Variants in PCDH18 observed in about 807,000 individuals in gnomAD.
PCDH18 encodes the protein protocadherin 18, also known as protocadherin-18.
Under a neutral mutation model 71.5 loss-of-function variants are expected in PCDH18, and 38 were observed. The observed-to-expected ratio is 0.53, with a 90% CI of 0.41 to 0.70. PCDH18 has a LOEUF of 0.70. Ranked by LOEUF, PCDH18 falls within the 30% of genes least tolerant of loss-of-function variation. PCDH18 has a pLI of 0.00. For missense variants in PCDH18, 1,334 were observed against 1,384.6 expected (o/e 0.96, Z 0.58); for synonymous variants, 565 against 505.4 (o/e 1.12, Z -1.58).
At chr4:137,523,351 T>A (rs80161258) in intron 3 of PCDH18, among the ~76,000 whole-genome samples, 1 of 151,832 alleles carries the variant, frequency 6.6e-6, no homozygotes, top group Non-Finnish European at 1.5e-5. Context: ...TTTTTTTTTT[T>A]AATTTGATGT....
Position 137,530,333 on chromosome 4 carries a change from C to A in PCDH18, c.1756G>T (p.Ala586Ser), listed in dbSNP as rs750042954. The change falls in exon 1 of 4, where the codon GCA becomes TCA. Residue 586 changes from alanine (A) to serine (S), a missense_variant. By Grantham distance (99) the Ala-to-Ser change is moderately conservative. Around this residue, in one of 3 missense-constraint regions of PCDH18, gnomAD observed 1,011 missense variants for 1,048.0 expected, o/e 0.96. Coordinates refer to ENST00000344876, the MANE Select transcript of PCDH18 (RefSeq NM_019035.5). ...VIGPALRNNT[A>S]EITIPKGAES... Reference sequence around the variant, plus strand: ...GCCCCTTTGGGAATGGTGATTTCTGCCGTATTATTACGCAATGCAGGCCCT... The same window carrying A: ...GCCCCTTTGGGAATGGTGATTTCTGACGTATTATTACGCAATGCAGGCCCT... The A allele has an allele frequency of 3.1e-6, 5 of 1,613,292 alleles. No homozygotes were observed. Among genetic ancestry groups the A allele is most frequent in the Non-Finnish European group, 4.2e-6 (5 of 1,179,414 alleles).
intron 2 of PCDH18, 29 bp from the exon 3 acceptor site, chr4:137,528,670 A>G (rs754666874): frequency 1.2e-6 from 2 of 1,610,106 alleles, no homozygotes; most frequent in Non-Finnish European, 1.7e-6. Context: ...AAAAAAAATT[A>G]CAGTTTTTAC....
At position 137,531,327 on chromosome 4, in the gene PCDH18, T is replaced by A; in HGVS notation, c.762A>T (p.Gln254His). 1 of 1,613,724 alleles carries A rather than the reference T, an allele frequency of 6.2e-7. No individual in the cohort carries two copies. The highest frequency in any genetic ancestry group is 8.5e-7 in the Non-Finnish European group (1 of 1,179,958). ...TGCCAACCGGGGAGTTTTCTAAGAG[T>A]TGTATTATATAAGATTGCTGCTCAA... ...PAFEQQSYIIQLLENSPVGTL... is the reference protein window; with the variant it reads ...PAFEQQSYIIHLLENSPVGTL... The change falls in exon 1 of 4, where the codon CAA (glutamine) becomes CAT (histidine). Residue 254 changes from glutamine (Q) to histidine (H), a missense_variant. By Grantham distance (24) the Gln-to-His change is conservative. Transcript: ENST00000344876.
rs1158082853 is a variant in PCDH18 at position 137,530,124 on chromosome 4, T to C, written c.1965A>G (p.Ser655=). The C allele has an allele frequency of 1.3e-5, 21 of 1,613,102 alleles. No individual in the cohort carries two copies. The highest frequency in any genetic ancestry group is 1.7e-5 in the Non-Finnish European group (20 of 1,179,220). ...GATTGCCTTTGTCCTGAATGATAAC[T>C]GACAGCTCCCATTCTGTGTAGGGAA... ...DSVPYTEWEL[S]VIIQDKGNPQ... is the part of the protein sequence containing the mutation. Residue 655 remains serine (S), a synonymous_variant, in exon 1 of 4, where the codon TCA becomes TCG. Coordinates refer to ENST00000344876, the MANE Select transcript of PCDH18 (RefSeq NM_019035.5).
rs900860533 is a variant in PCDH18, at chr4:137,529,599, T to C, written c.2487+3A>G. ...AATGAATTGATGCGGTTTATGATCTTACCTCAACAGCAGGAGTGGCGTGGG... is the reference window on the plus strand; with the variant it reads ...AATGAATTGATGCGGTTTATGATCTCACCTCAACAGCAGGAGTGGCGTGGG... On this transcript the variant is annotated splice_donor_region_variant and intron_variant, in intron 1 of 3. Transcript: ENST00000344876. 6.3e-6 allele frequency: 10 copies of C among 1,583,702 alleles called. No homozygotes were observed. The highest frequency in any genetic ancestry group is 8.6e-6 in the Non-Finnish European group (10 of 1,160,730).
At position 137,528,822 on chromosome 4, in the gene PCDH18, T is replaced by C. The variant is rs779083401; in HGVS notation, c.2488-2A>G. The C allele has an allele frequency of 1.2e-6, 2 of 1,607,218 alleles. No individual in the cohort carries two copies. The highest frequency in any genetic ancestry group is 1.7e-6 in the Non-Finnish European group (2 of 1,174,100). On this transcript the variant is annotated splice_acceptor_variant, in intron 1 of 3. Transcript: ENST00000344876. LOFTEE classifies it high-confidence loss of function. ...CATTGAAAGAAGCTGAGAGACCTGC[T>C]GGAAACCAAATAGACAGAACTGATT...
At position 137,521,033 on chromosome 4, in the gene PCDH18, C is replaced by G; in HGVS notation, c.3404G>C (p.Ser1135Thr). 1 of 1,580,490 alleles carries G rather than the reference C, an allele frequency of 6.3e-7. No homozygotes were observed. Among genetic ancestry groups the G allele is most frequent in the Non-Finnish European group, 8.6e-7 (1 of 1,158,408 alleles). ...INKLLQDVRQ[S>T] ...AAAATGCTTCGCTAAAATCTCCTAG[C>G]TCTGGCGGACATCTTGAAGCAGTTT... The change falls in exon 4 of 4, where the codon AGC (serine) becomes ACC (threonine). Residue 1135 changes from serine to threonine, a missense_variant. Physicochemically the swap from Ser to Thr is moderately conservative, Grantham distance 58. Around this residue, in one of 3 missense-constraint regions of PCDH18, gnomAD observed 319 missense variants for 316.3 expected, o/e 1.01. Coordinates refer to ENST00000344876, the MANE Select transcript of PCDH18 (RefSeq NM_019035.5).
chr4:137,530,233 G>A lies in PCDH18; in HGVS notation c.1856C>T (p.Ala619Val). 1.2e-6 allele frequency: 2 copies of A among 1,614,044 alleles called. No homozygotes were observed. Among genetic ancestry groups the A allele is most frequent in the Admixed American group, 1.7e-5 (1 of 60,016 alleles). The change falls in exon 1 of 4, where the codon GCC becomes GTC. Residue 619 changes from alanine to valine, a missense_variant. By Grantham distance (64) the Ala-to-Val change is moderately conservative (BLOSUM62 0). This residue lies in a region of PCDH18 where 1,011 missense variants were observed against 1,048.0 expected (regional missense o/e 0.96). Coordinates refer to ENST00000344876, the MANE Select transcript of PCDH18 (RefSeq NM_019035.5). ...DSGVNAELSCAIVAGNEENIF... is the reference protein window; with the variant it reads ...DSGVNAELSCVIVAGNEENIF... ...ATTCTCCTCATTACCTGCTACTATG[G>A]CGCAGCTGAGTTCAGCATTCACACC...
Position 137,529,684 on chromosome 4 carries a change from A to G in PCDH18, c.2405T>C (p.Leu802Pro), listed in dbSNP as rs773744683. Residue 802 changes from leucine to proline, a missense_variant, in exon 1 of 4, where the codon CTC becomes CCC. Physicochemically the swap from Leu to Pro is moderately conservative, Grantham distance 98. Transcript: ENST00000344876. ...TGATGAGATTGTCACCAAACTGTTG[A>G]GTGACTGGTGACTGTTGTGACTCTG... The part of the protein sequence containing the change: ...SRQSHNSHQS[L>P]NSLVTISSNH... 6.2e-7 allele frequency: 1 copy of G among 1,613,872 alleles called. No homozygotes were observed. Among genetic ancestry groups the G allele is most frequent in the South Asian group, 1.1e-5 (1 of 91,084 alleles).
At chr4:137,526,319 A>G (rs987183498) in intron 3 of PCDH18, among the ~76,000 whole-genome samples, 2 of 152,096 alleles carry the variant, frequency 1.3e-5, no homozygotes, top group Admixed American at 1.3e-4. Context: ...ATACAAATCT[A>G]AAAATATATA....
chr4:137,523,973 T>G (rs1416589332), intron 3 of PCDH18, among the ~76,000 whole-genome samples: 1 of 152,160 alleles, frequency 6.6e-6, no homozygotes, highest in Non-Finnish European at 1.5e-5. Flanking sequence ...AGAGTAACGG[T>G]GCAGAAGAGG....
Position 137,521,479 on chromosome 4 carries a change from A to G in PCDH18, c.2958T>C (p.Phe986=), listed in dbSNP as rs1183951831. 3 of 1,614,182 alleles carry G rather than the reference A, an allele frequency of 1.9e-6. No individual in the cohort carries two copies. Among genetic ancestry groups the G allele is most frequent in the South Asian group, 1.1e-5 (1 of 91,080 alleles). ...CCTCATCGTTTGGGGAGTCCTTTCC[A>G]AAGGTGGAAAAACTCTTCTTCTTTT... The part of the protein sequence containing the change: ...SGEKKKSFST[F]GKDSPNDEDT... The change falls in exon 4 of 4, where the codon TTT becomes TTC. Residue 986 remains phenylalanine (F), a synonymous_variant. Coordinates refer to ENST00000344876, the MANE Select transcript of PCDH18 (RefSeq NM_019035.5).
rs767390571 is a variant in PCDH18, at chr4:137,521,656, G to A, written c.2781C>T (p.His927=). 6.2e-7 allele frequency: 1 copy of A among 1,611,330 alleles called. No individual in the cohort carries two copies. Among genetic ancestry groups the A allele is most frequent in the South Asian group, 1.1e-5 (1 of 91,084 alleles). The change falls in exon 4 of 4, where the codon CAC becomes CAT. Residue 927 remains histidine (H), a synonymous_variant. Transcript: ENST00000344876. ...LCTEECRVLG[H]SDQCWMPPLP... is the part of the protein sequence containing the mutation. ...GTGGTGGCATCCAGCACTGGTCAGAGTGTCCCAGGACCCTGCACTCCTCCG... is the reference window on the plus strand; with the variant it reads ...GTGGTGGCATCCAGCACTGGTCAGAATGTCCCAGGACCCTGCACTCCTCCG...
rs757402175 is a variant in PCDH18, at chr4:137,528,700, A to C, written c.2576+32T>G. 2.5e-6 allele frequency: 4 copies of C among 1,607,334 alleles called. 1 individual carries two copies. In the Admixed American group the frequency reaches 6.7e-5, roughly 27 times the overall value. On this transcript the variant is annotated intron_variant, in intron 2 of 3. Transcript: ENST00000344876. Reference sequence around the variant, plus strand: ...TTTTACTCTTCAGCATTTATGTTGAAACTTAATAGGTAACACAAGAATAAT... The same window carrying C: ...TTTTACTCTTCAGCATTTATGTTGACACTTAATAGGTAACACAAGAATAAT...
At position 137,531,074 on chromosome 4, in the gene PCDH18, T is replaced by A; in HGVS notation, c.1015A>T (p.Lys339Ter). The A allele has an allele frequency of 6.2e-7, 1 of 1,612,242 alleles. No individual in the cohort carries two copies. Among genetic ancestry groups the A allele is most frequent in the Non-Finnish European group, 8.5e-7 (1 of 1,178,994 alleles). The change falls in exon 1 of 4, where the codon AAA (lysine) becomes TAA (stop). Residue 339 changes from lysine (K) to a stop codon, truncating the protein, a stop_gained. Coordinates refer to ENST00000344876, the MANE Select transcript of PCDH18 (RefSeq NM_019035.5). LOFTEE classifies it high-confidence loss of function. Reference sequence around the variant, plus strand: ...ACATCCACAACCTTAATTATAATTTTGCAATGGGCTGGGATTGAATTTGGA... The same window carrying A: ...ACATCCACAACCTTAATTATAATTTAGCAATGGGCTGGGATTGAATTTGGA... ...LGPNSIPAHC[K>*]IIIKVVDVND...
Position 137,531,230 on chromosome 4 carries a change from T to C in PCDH18, c.859A>G (p.Ser287Gly). Residue 287 changes from serine to glycine, a missense_variant, in exon 1 of 4, where the codon AGT becomes GGT. Around this residue, in one of 3 missense-constraint regions of PCDH18, gnomAD observed 1,011 missense variants for 1,048.0 expected, o/e 0.96. Transcript: ENST00000344876. Reference sequence around the variant, plus strand: ...TCCATAATTTTGGGAGACACATGACTGCTGAAGGAATATACAATTTTCCCA... The same window carrying C: ...TCCATAATTTTGGGAGACACATGACCGCTGAAGGAATATACAATTTTCCCA... ...ANGKIVYSFSSHVSPKIMETF... is the reference protein window; with the variant it reads ...ANGKIVYSFSGHVSPKIMETF... The C allele has an allele frequency of 1.2e-6, 2 of 1,613,208 alleles. No individual in the cohort carries two copies. The highest frequency in any genetic ancestry group is 1.7e-6 in the Non-Finnish European group (2 of 1,179,488).
At position 137,529,743 on chromosome 4, in the gene PCDH18, A is replaced by G; in HGVS notation, c.2346T>C (p.Ser782=). The G allele has an allele frequency of 6.2e-7, 1 of 1,613,938 alleles. No individual in the cohort carries two copies. Among genetic ancestry groups the G allele is most frequent in the South Asian group, 1.1e-5 (1 of 91,074 alleles). ...CCATCTGCCCTCTTTCTAAGGTAGGAGATGAAGATGGAGACGATCTGTGAT... is the reference window on the plus strand; with the variant it reads ...CCATCTGCCCTCTTTCTAAGGTAGGGGATGAAGATGGAGACGATCTGTGAT... The part of the protein sequence containing the change: ...RSHHRSSPSS[S]PTLERGQMGS... The change falls in exon 1 of 4, where the codon TCT becomes TCC. Residue 782 remains serine, a synonymous_variant. Coordinates refer to ENST00000344876, the MANE Select transcript of PCDH18 (RefSeq NM_019035.5).
intron 1 of PCDH18, 150 bp downstream of exon 1, chr4:137,529,452 C>G: frequency 1.8e-6 from 1 of 551,824 alleles, no homozygotes; most frequent in Non-Finnish European, 3.2e-6. Flanking sequence ...TGCATCTTTG[C>G]TACATATTCA....
chr4:137,527,348 C>T (rs1014461809), intron 3 of PCDH18, among the ~76,000 whole-genome samples: 1 of 152,076 alleles, frequency 6.6e-6, no homozygotes, highest in Non-Finnish European at 1.5e-5. Context: ...AATGTAAATG[C>T]TATGTAAATA....
Sources: gnomAD v4.1 joint callset for allele counts (sites outside exome capture counted in the v4.1 genomes callset) on GRCh38, gnomAD v4.1.1 for gene constraint, gnomAD v4.1.1 regional missense constraint, MANE v1.5 for transcripts, NCBI Gene and HGNC (gene_info 2026-07-23, HGNC 2026-07-21) for gene names.